The following MROH1 variants were observed in gnomAD, a reference collection of about 807,000 sequenced individuals.
MROH1 encodes maestro heat-like repeat-containing protein family member 1.
In MROH1, 117 loss-of-function variants were observed where a neutral mutation model predicts 116.5. The ratio of observed to expected loss-of-function variants is 1.00; its 90% confidence interval spans 0.86 to 1.17. The LOEUF (loss-of-function observed/expected upper bound fraction) is 1.17. MROH1 is among the 50% of genes most tolerant of loss of function. MROH1 has a pLI of 0.00. For synonymous variants in MROH1, 921 were observed against 583.9 expected (o/e 1.58, Z -8.32); for missense variants, 1,873 against 1,338.5 (o/e 1.40, Z -6.23).
intron 2 of MROH1, among the ~76,000 whole-genome samples, chr8:144,161,732 G>C (rs1381756074): frequency 6.6e-6 from 1 of 152,250 alleles, no homozygotes; most frequent in Non-Finnish European, 1.5e-5. Flanking sequence ...TGTTTGAGTT[G>C]GGTGAGCGTG....
intron 7 of MROH1, among the ~76,000 whole-genome samples, chr8:144,186,156 T>A (rs1178538655): frequency 6.7e-6 from 1 of 148,322 alleles, no homozygotes; most frequent in Non-Finnish European, 1.5e-5. Context: ...GGTCTCACTC[T>A]GTCACCCAGG....
At chr8:144,256,588 C>T (rs1588535678) in intron 35 of MROH1, among the ~76,000 whole-genome samples, 1 of 152,258 alleles carries the variant, frequency 6.6e-6, no homozygotes, top group Non-Finnish European at 1.5e-5. Context: ...GCCACCAGCC[C>T]CTGGGCCTGG....
chr8:144,237,055 G>A (rs979148570), intron 14 of MROH1, among the ~76,000 whole-genome samples: 2 of 151,504 alleles, frequency 1.3e-5, no homozygotes, highest in African/African-American at 2.4e-5. Context: ...ACAGGCGCCC[G>A]CCACCACGCC....
chr8:144,180,411 G>T lies in MROH1; in HGVS notation c.464-14G>T. On this transcript the variant is annotated splice_polypyrimidine_tract_variant and intron_variant, in intron 6 of 43. Coordinates refer to ENST00000326134, the MANE Select transcript of MROH1 (RefSeq NM_032450.3). The surrounding 1 kb of genome is among the most constrained non-coding windows in gnomAD (Gnocchi z 7.4). ...AGCCTTGGCGGAGGCCTTTGACGGT[G>T]TCCTCTCTCACAGCGTTCGGCGTAG... The T allele has an allele frequency of 6.2e-7, 1 of 1,612,868 alleles. No homozygotes were observed.
intron 10 of MROH1, among the ~76,000 whole-genome samples, chr8:144,197,989 C>T (rs1373180671): frequency 1.4e-5 from 2 of 146,318 alleles, no homozygotes; most frequent in African/African-American, 2.5e-5. Context: ...GCGGAGGTTG[C>T]AGTGAGCCAA....
intron 3 of MROH1, among the ~76,000 whole-genome samples, chr8:144,165,350 C>T (rs1211139293): frequency 6.6e-6 from 1 of 152,002 alleles, no homozygotes; most frequent in South Asian, 2.1e-4. Context: ...AACTCCTGAC[C>T]TCAGGTGATC....
chr8:144,150,756 A>G (rs1253655654), intron 1 of MROH1, among the ~76,000 whole-genome samples: 1 of 152,196 alleles, frequency 6.6e-6, no homozygotes, highest in African/African-American at 2.4e-5. Flanking sequence ...CCACTGATGC[A>G]GGAGGGCTGG....
intron 32 of MROH1, among the ~76,000 whole-genome samples, chr8:144,249,417 T>C (rs1043473410): frequency 6.7e-4 from 102 of 152,180 alleles, no homozygotes; most frequent in African/African-American, 2.3e-3. Flanking sequence ...TCATGGCCCA[T>C]TGCTTTGTTT....
chr8:144,176,536 G>GAAAAAAA (rs113841473), intron 4 of MROH1, among the ~76,000 whole-genome samples: 1 of 129,630 alleles, frequency 7.7e-6, no homozygotes, highest in African/African-American at 2.9e-5. Flanking sequence ...CCCTGACTCA[G>GAAAAAAA]AAAAAAAAAA....
intron 1 of MROH1, among the ~76,000 whole-genome samples, chr8:144,159,564 C>A (rs1190046511): frequency 6.6e-6 from 1 of 152,130 alleles, no homozygotes; most frequent in African/African-American, 2.4e-5. Context: ...CCATGTTTTT[C>A]TTTGCCCATC....
At position 144,163,876 on chromosome 8, in the gene MROH1, G is replaced by C; in HGVS notation, c.22+28G>C. The C allele has an allele frequency of 1.2e-6, 2 of 1,612,960 alleles. No individual in the cohort carries two copies. The highest frequency in any genetic ancestry group is 1.7e-6 in the Non-Finnish European group (2 of 1,179,266). On this transcript the variant is annotated intron_variant, in intron 3 of 43. Transcript: ENST00000326134. The surrounding 1 kb of genome is among the most constrained non-coding windows in gnomAD (Gnocchi z 4.4). Reference sequence around the variant, plus strand: ...GAGTGCATGGGGATTGGGAGTGGCCGGGTGTGAGGCCTCTCTTGCCTCTGG... The same window carrying C: ...GAGTGCATGGGGATTGGGAGTGGCCCGGTGTGAGGCCTCTCTTGCCTCTGG...
At chr8:144,181,096 C>A (rs1032877030) in intron 7 of MROH1, among the ~76,000 whole-genome samples, 2 of 152,108 alleles carry the variant, frequency 1.3e-5, no homozygotes, top group South Asian at 4.1e-4. Context: ...CCTGAGCTAC[C>A]CTTAGTGCCC....
intron 26 of MROH1, 71 bp downstream of exon 26, chr8:144,244,013 C>T: frequency 2.7e-6 from 2 of 751,848 alleles, no homozygotes; most frequent in South Asian, 2.8e-5. Context: ...ATTGTGTGTG[C>T]ACGTGTATGC....
At chr8:144,238,945 G>T in intron 15 of MROH1, 82 bp downstream of exon 15, 2 of 769,178 alleles carry the variant, frequency 2.6e-6, no homozygotes, top group South Asian at 2.7e-5. Flanking sequence ...CCCAGCAAAG[G>T]GTCTGTCTCC....
At chr8:144,166,299 G>A (rs570935514) in intron 3 of MROH1, among the ~76,000 whole-genome samples, 33 of 152,328 alleles carry the variant, frequency 2.2e-4, no homozygotes, top group Admixed American at 1.8e-3. Context: ...GGGACGTGGC[G>A]TGGAAGTTGT....
intron 19 of MROH1, 52 bp downstream of exon 19, chr8:144,240,205 G>A (rs1315207356): frequency 2.8e-6 from 2 of 712,628 alleles, no homozygotes; most frequent in Non-Finnish European, 5.2e-6. Flanking sequence ...GTCTGGCCTG[G>A]GGGGTGCTGG....
intron 23 of MROH1, 25 bp downstream of exon 23, chr8:144,242,540 C>T (rs1231830439): frequency 1.3e-5 from 10 of 780,446 alleles, no homozygotes; most frequent in South Asian, 4.0e-5. Context: ...GGGCCTGCCA[C>T]GCAGGGGAGC....
At chr8:144,243,732 G>A in intron 25 of MROH1, 116 bp downstream of exon 25, 2 of 753,228 alleles carry the variant, frequency 2.7e-6, no homozygotes, top group South Asian at 1.4e-5. Flanking sequence ...AACATGGGAG[G>A]GGCCATGTAG....
chr8:144,258,902 C>A lies in MROH1; in HGVS notation c.3917C>A (p.Thr1306Asn). 1 of 752,298 alleles carries A rather than the reference C, an allele frequency of 1.3e-6. No individual in the cohort carries two copies. The highest frequency in any genetic ancestry group is 2.5e-6 in the Non-Finnish European group (1 of 405,436). 46.6% of individuals were successfully genotyped at this position (752,298 alleles called of 1,614,324 possible). The change falls in exon 36 of 44, where the codon ACC becomes AAC. Residue 1306 changes from threonine to asparagine, a missense_variant. By Grantham distance (65) the Thr-to-Asn change is moderately conservative. Coordinates refer to ENST00000326134, the MANE Select transcript of MROH1 (RefSeq NM_032450.3). ...TCGGCGGGGCATGAGGAGGGGGCCA[C>A]CAGGTTGGCCAGGTGAGCGGGCCCA... ...RTSAGHEEGA[T>N]RLARAMAEHA...
Sources: gnomAD v4.1 joint callset for allele counts (sites outside exome capture counted in the v4.1 genomes callset) on GRCh38, gnomAD v4.1.1 for gene constraint, Gnocchi (gnomAD v3.1) non-coding constraint, MANE v1.5 for transcripts, NCBI Gene and HGNC (gene_info 2026-07-23, HGNC 2026-07-21) for gene names.